The following SLC66A2 variants were observed in gnomAD, a reference collection of about 807,000 sequenced individuals.
The protein encoded by SLC66A2 is solute carrier family 66 member 2, also known as PQ loop repeat containing 1.
SLC66A2 carries 23 observed loss-of-function variants against 25.5 expected under a neutral mutation model. That is an observed-to-expected ratio of 0.90 (90% confidence interval 0.65 to 1.28). The LOEUF (loss-of-function observed/expected upper bound fraction) is 1.28. Among genes scored for constraint, SLC66A2 ranks in the 50% most tolerant of loss-of-function variants. The pLI is 0.00. For synonymous variants in SLC66A2, 193 were observed against 166.5 expected (o/e 1.16, Z -1.23); for missense variants, 396 against 373.1 (o/e 1.06, Z -0.51).
At chr18:79,905,022 C>A (rs1257522819) in intron 5 of SLC66A2, among the ~76,000 whole-genome samples, 1 of 152,142 alleles carries the variant, frequency 6.6e-6, no homozygotes, top group Non-Finnish European at 1.5e-5. Context: ...CCGTAGCCGC[C>A]CTGTGTGAGA....
rs567678981 is a variant in SLC66A2, at chr18:79,946,958, T to C, written c.204-3496A>G. On this transcript the variant is annotated intron_variant, in intron 2 of 5. Transcript: ENST00000397778. ...CCAGCCTGGGCAAGAGCGAGACTCT[T>C]GTCTAAAAGAAAAAAAAAATCCAGC... Among the ~76,000 whole-genome samples, 8 of 152,084 alleles carry C rather than the reference T, an allele frequency of 5.3e-5. No homozygotes were observed. In the East Asian group the frequency reaches 1.4e-3, roughly 26 times the overall value.
In SLC66A2 at chr18:79,904,601, G is replaced by A. The variant is rs528298313; in HGVS notation, c.609-418C>T. Among the ~76,000 whole-genome samples the A allele has an allele frequency of 6.6e-5, 10 of 152,234 alleles. No individual in the cohort carries two copies. The South Asian group carries it at 1.7e-3, about 25-fold the overall frequency. ...CCCTGGTGCGCGGTGGCAATTCTGG[G>A]AGGGGCCGGGCCTGGGAGGGTGCTG... On this transcript the variant is annotated intron_variant, in intron 5 of 5. Transcript: ENST00000397778. This position sits in a 1 kb window ranked among gnomAD's most constrained non-coding sequence, Gnocchi z 6.3.
intron 5 of SLC66A2, among the ~76,000 whole-genome samples, chr18:79,916,311 G>C (rs929863581): frequency 3.6e-5 from 5 of 137,992 alleles, no homozygotes; most frequent in African/African-American, 1.3e-4. Flanking sequence ...TCCCGTACCC[G>C]TGGTGCTCCC....
At chr18:79,924,030 T>C (rs1599576599) in intron 4 of SLC66A2, among the ~76,000 whole-genome samples, 1 of 141,696 alleles carries the variant, frequency 7.1e-6, no homozygotes, top group African/African-American at 2.6e-5. Flanking sequence ...GAGTGGGACC[T>C]GGTCTCAAAA....
rs755214643 is a variant in SLC66A2 at position 79,943,439 on chromosome 18, G to A, written c.227C>T (p.Pro76Leu). ...CATGATGGCGCTCTGCCACAGCAGC[G>A]GGGACTCAAAGCGCCTTCCAAACCT... is the stretch of plus-strand genomic sequence containing the variant. ...LFWFGRRFES[P>L]LLWQSAIMIL... Residue 76 changes from proline (P) to leucine (L), a missense_variant, in exon 3 of 6, where the codon CCG (proline) becomes CTG (leucine). Coordinates refer to ENST00000397778, the MANE Select transcript of SLC66A2 (RefSeq NM_025078.5). The A allele has an allele frequency of 9.9e-6, 16 of 1,613,944 alleles. No individual in the cohort carries two copies. The highest frequency in any genetic ancestry group is 4.5e-5 in the East Asian group (2 of 44,888).
At chr18:79,946,137 A>C (rs1288828020) in intron 2 of SLC66A2, among the ~76,000 whole-genome samples, 2 of 152,232 alleles carry the variant, frequency 1.3e-5, no homozygotes, top group African/African-American at 4.8e-5. Context: ...CACATCAAAA[A>C]TCAAATCTAG....
At chr18:79,907,351 TTG>T (rs1366780993) in intron 5 of SLC66A2, among the ~76,000 whole-genome samples, 11 of 97,424 alleles carry the variant, frequency 1.1e-4, no homozygotes, top group Non-Finnish European at 2.0e-4. Context: ...TTTTTTTTGG[TTG>T]TTTTTTTTTT....
At chr18:79,949,263 C>T (rs1277094390) in intron 2 of SLC66A2, among the ~76,000 whole-genome samples, 1 of 152,218 alleles carries the variant, frequency 6.6e-6, no homozygotes, top group Non-Finnish European at 1.5e-5. Context: ...GAGCAGGGAG[C>T]ACCCCGGCTC....
chr18:79,935,566 G>A (rs1986997673), intron 3 of SLC66A2: 1 of 152,196 alleles, frequency 6.6e-6, no homozygotes, highest in Admixed American at 6.5e-5. Context: ...ATCATGGGTG[G>A]GCTTGTGACC....
intron 4 of SLC66A2, among the ~76,000 whole-genome samples, chr18:79,930,863 G>C (rs1379337145): frequency 6.6e-6 from 1 of 151,906 alleles, no homozygotes; most frequent in African/African-American, 2.4e-5. Flanking sequence ...TGTATATAAA[G>C]GAACAATCAG....
rs531210899 is a variant in SLC66A2 at position 79,947,473 on chromosome 18, G to C, written c.203+3251C>G. 3.2e-5 allele frequency: 3 copies of C among 92,880 alleles called. No homozygotes were observed. The East Asian group carries it at 1.1e-3, about 34-fold the overall frequency. 5.8% of individuals were successfully genotyped at this position (92,880 alleles called of 1,614,324 possible). ...ATCCCCAACGGGGAGCTGCCCAGAG[G>C]GACTGGAGCTCTGAGGACCATGCCC... is the stretch of plus-strand genomic sequence containing the variant. On this transcript the variant is annotated intron_variant, in intron 2 of 5. Coordinates refer to ENST00000397778, the MANE Select transcript of SLC66A2 (RefSeq NM_025078.5).
Position 79,950,823 on chromosome 18 carries a change from G to A in SLC66A2, c.104C>T (p.Pro35Leu), listed in dbSNP as rs114092865. 11 of 1,612,740 alleles carry A rather than the reference G, an allele frequency of 6.8e-6. No homozygotes were observed. Among genetic ancestry groups the A allele is most frequent in the Non-Finnish European group, 9.3e-6 (11 of 1,179,878 alleles). Reference protein sequence around the residue: ...MVFGGVVPYVPQYRDIRRTQN... With the variant: ...MVFGGVVPYVLQYRDIRRTQN... Reference sequence around the variant, plus strand: ...CGTCCTGCGAATGTCCCGATACTGCGGGACGTAGGGCACCACCCCTCCGAA... The same window carrying A: ...CGTCCTGCGAATGTCCCGATACTGCAGGACGTAGGGCACCACCCCTCCGAA... The change falls in exon 2 of 6, where the codon CCG becomes CTG. Residue 35 changes from proline to leucine, a missense_variant. Physicochemically the swap from Pro to Leu is moderately conservative, Grantham distance 98. Coordinates refer to ENST00000397778, the MANE Select transcript of SLC66A2 (RefSeq NM_025078.5).
chr18:79,912,821 C>T (rs913710161), intron 5 of SLC66A2, among the ~76,000 whole-genome samples: 7 of 152,276 alleles, frequency 4.6e-5, no homozygotes, highest in South Asian at 2.1e-4. Context: ...GGCCAGCCTG[C>T]GTGCACCGAG....
chr18:79,918,428 G>GT lies in SLC66A2; in HGVS notation c.608+755_608+756insA, dbSNP rs1984527687. 2.7e-5 allele frequency among the ~76,000 whole-genome samples: 4 copies of GT among 149,830 alleles called. No individual in the cohort carries two copies. Among genetic ancestry groups the GT allele is most frequent in the South Asian group, 2.1e-4 (1 of 4,712 alleles). On this transcript the variant is annotated intron_variant, in intron 5 of 5. Coordinates refer to ENST00000397778, the MANE Select transcript of SLC66A2 (RefSeq NM_025078.5). This position sits in a 1 kb window ranked among gnomAD's most constrained non-coding sequence, Gnocchi z 4.0. The stretch of plus-strand genomic sequence containing the variant: ...CCAGTGAGGAGCGGGCCCGGGGGGG[G>GT]GTCCCCAGTGAGGAGCGGGCACCGG...
intron 4 of SLC66A2, among the ~76,000 whole-genome samples, chr18:79,922,933 G>C (rs1294220769): frequency 6.6e-6 from 1 of 151,688 alleles, no homozygotes; most frequent in African/African-American, 2.4e-5. Flanking sequence ...TGGCAGTGCA[G>C]TGAGGGCAGG....
chr18:79,946,838 C>T (rs1337943369), intron 2 of SLC66A2, among the ~76,000 whole-genome samples: 8 of 152,126 alleles, frequency 5.3e-5, no homozygotes, highest in African/African-American at 1.4e-4. Flanking sequence ...TGGCAGTGGG[C>T]GCCTGTAATC....
At chr18:79,913,310 C>T (rs1365236745) in intron 5 of SLC66A2, among the ~76,000 whole-genome samples, 1 of 151,938 alleles carries the variant, frequency 6.6e-6, no homozygotes, top group Non-Finnish European at 1.5e-5. Context: ...CACCAACGCA[C>T]CCCCGCTGCC....
chr18:79,910,767 C>T (rs1215973624), intron 5 of SLC66A2, among the ~76,000 whole-genome samples: 3 of 152,230 alleles, frequency 2.0e-5, no homozygotes, highest in Non-Finnish European at 2.9e-5. Context: ...GGGCGTGTTC[C>T]AGTGTAGACG....
chr18:79,948,054 C>G (rs561422011), intron 2 of SLC66A2, among the ~76,000 whole-genome samples: 2 of 152,220 alleles, frequency 1.3e-5, no homozygotes, highest in Non-Finnish European at 2.9e-5. Context: ...CTGGAACACA[C>G]TGGGGCCCTG....
Sources: gnomAD v4.1 joint callset for allele counts (sites outside exome capture counted in the v4.1 genomes callset) on GRCh38, gnomAD v4.1.1 for gene constraint, Gnocchi (gnomAD v3.1) non-coding constraint, MANE v1.5 for transcripts, NCBI Gene and HGNC (gene_info 2026-07-23, HGNC 2026-07-21) for gene names.